The following SRC variants were observed in gnomAD, a reference collection of about 807,000 sequenced individuals.
SRC encodes the protein proto-oncogene tyrosine-protein kinase Src.
A neutral mutation model predicts 62.9 loss-of-function variants in SRC; 13 were observed. The observed-to-expected ratio is 0.21, with a 90% CI of 0.13 to 0.33. The LOEUF is 0.33. SRC is among the 10% of genes least tolerant of loss of function. The probability of loss-of-function intolerance (pLI) is 1.00; values close to 1 mark genes in which losing one functional copy is unlikely to be tolerated. For synonymous variants in SRC, 302 were observed against 317.5 expected, an observed-to-expected ratio of 0.95 and a Z score of 0.52; for missense variants, 457 against 737.3, an observed-to-expected ratio of 0.62 and a Z score of 4.40.
At chr20:37,385,169 G>GAGACACACACAAGACAT (rs11467123) in intron 4 of SRC, among the ~76,000 whole-genome samples, 1 of 152,014 alleles carries the variant, frequency 6.6e-6, no homozygotes, top group African/African-American at 2.4e-5. Context: ...AGCGCATTCA[G>GAGACACACACAAGACAT]AGACACACGC....
At chr20:37,349,741 A>G (rs765489859) in intron 1 of SRC, among the ~76,000 whole-genome samples, 317 of 152,040 alleles carry the variant, frequency 2.1e-3, no homozygotes, top group Middle Eastern at 6.8e-3. Context: ...GGCTCGGGAG[A>G]GGATGTTGGC....
At chr20:37,381,263 C>G (rs547832620) in intron 2 of SRC, among the ~76,000 whole-genome samples, 63 of 152,224 alleles carry the variant, frequency 4.1e-4, no homozygotes, top group Non-Finnish European at 8.4e-4. Flanking sequence ...GTGGAGTGGT[C>G]TTCGTGTTTG....
At chr20:37,401,085 C>G (rs186994152) in intron 10 of SRC, among the ~76,000 whole-genome samples, 1 of 152,144 alleles carries the variant, frequency 6.6e-6, no homozygotes, top group Non-Finnish European at 1.5e-5. Flanking sequence ...CAGCCTTGAC[C>G]TCCCAGGCTC....
chr20:37,402,307 C>A lies in SRC; in HGVS notation c.1117-128C>A. The A allele has an allele frequency of 1.7e-6, 2 of 1,164,154 alleles. No individual in the cohort carries two copies. Among genetic ancestry groups the A allele is most frequent in the Non-Finnish European group, 2.4e-6 (2 of 821,886 alleles). The allele number at this position is 1,164,154 out of a possible 1,614,324, so 72.1% of individuals were successfully genotyped here. A position where few individuals can be genotyped will look rare whatever the true frequency, so the allele number is the denominator to read the frequency against. ...GCCAACAGCATTTACTGTGAACTGA[C>A]CTCACTTGCCTGAAGAAGTGTGGGG... On this transcript the variant is annotated intron_variant, in intron 11 of 13. Transcript: ENST00000373578. This position sits in a 1 kb window ranked among gnomAD's most constrained non-coding sequence, Gnocchi z 6.2.
upstream of SRC, among the ~76,000 whole-genome samples, chr20:37,345,515 C>T (rs959229016): frequency 6.6e-6 from 1 of 152,162 alleles, no homozygotes; most frequent in Admixed American, 6.5e-5. Context: ...TAAAATGAAC[C>T]CGTAACTATT....
intron 2 of SRC, among the ~76,000 whole-genome samples, chr20:37,379,063 G>C (rs1038694039): frequency 2.6e-5 from 4 of 152,106 alleles, no homozygotes; most frequent in Non-Finnish European, 5.9e-5. Flanking sequence ...GCCACTTGGG[G>C]ACCTGCTGAG....
intron 1 of SRC, among the ~76,000 whole-genome samples, chr20:37,358,835 C>T (rs528256754): frequency 1.3e-4 from 20 of 152,384 alleles, no homozygotes; most frequent in South Asian, 6.2e-4. Flanking sequence ...GTGTCCGCCC[C>T]GGCCTGCCGT....
chr20:37,361,043 G>T (rs776055266), intron 1 of SRC, among the ~76,000 whole-genome samples: 1 of 152,084 alleles, frequency 6.6e-6, no homozygotes, highest in Non-Finnish European at 1.5e-5. Context: ...TTGTGGGGGG[G>T]CAGGCAAGGT....
chr20:37,386,311 G>C (rs1050644499), intron 5 of SRC, 137 bp downstream of exon 5: 4 of 854,378 alleles, frequency 4.7e-6, no homozygotes, highest in East Asian at 2.5e-5. Flanking sequence ...CAGTGTGGAG[G>C]CAGGCGCCTG....
chr20:37,392,157 C>T (rs909108961), intron 5 of SRC, among the ~76,000 whole-genome samples: 6 of 152,082 alleles, frequency 3.9e-5, no homozygotes, highest in East Asian at 3.9e-4. Context: ...CCCCCCTGCC[C>T]GAGTGTGTGT....
rs1416323195 is a variant in SRC at position 37,398,064 on chromosome 20, T to G, written c.859+210T>G. On this transcript the variant is annotated intron_variant, in intron 9 of 13. Transcript: ENST00000373578. This position sits in a 1 kb window ranked among gnomAD's most constrained non-coding sequence, Gnocchi z 5.2. Reference sequence around the variant, plus strand: ...GGACCGTGCAAACCATAGTGCCTGATTCCAAGATCCGCACAGGGCTGGGCA... The same window carrying G: ...GGACCGTGCAAACCATAGTGCCTGAGTCCAAGATCCGCACAGGGCTGGGCA... 6.6e-6 allele frequency among the ~76,000 whole-genome samples: 1 copy of G among 152,188 alleles called. No homozygotes were observed. The highest frequency in any genetic ancestry group is 2.4e-5 in the African/African-American group (1 of 41,452).
In SRC at chr20:37,384,405, T is replaced by C. The variant is rs2147051173; in HGVS notation, c.250+2T>C. 1.4e-6 allele frequency: 2 copies of C among 1,407,418 alleles called. No individual in the cohort carries two copies. The highest frequency in any genetic ancestry group is 9.2e-7 in the Non-Finnish European group (1 of 1,087,100). 87.2% of individuals were successfully genotyped at this position (1,407,418 alleles called of 1,614,324 possible). On this transcript the variant is annotated splice_donor_variant, in intron 4 of 13. Transcript: ENST00000373578. LOFTEE classifies it high-confidence loss of function. This position sits in a 1 kb window ranked among gnomAD's most constrained non-coding sequence, Gnocchi z 6.7. The stretch of plus-strand genomic sequence containing the variant: ...CGCAGAGGGCGGGCCCGCTGGCCGG[T>C]CAGTGCGCGGGCGGCGCGGGGTCCT...
At chr20:37,356,554 CCTT>C (rs1436201110) in intron 1 of SRC, among the ~76,000 whole-genome samples, 1 of 151,998 alleles carries the variant, frequency 6.6e-6, no homozygotes, top group Admixed American at 6.6e-5. Flanking sequence ...GCCCCTGGGT[CCTT>C]CTGCCTGTCC....
At chr20:37,375,799 A>G (rs990004664) in intron 2 of SRC, among the ~76,000 whole-genome samples, 2 of 152,226 alleles carry the variant, frequency 1.3e-5, no homozygotes, top group African/African-American at 4.8e-5. Flanking sequence ...AACCATGAAC[A>G]TTTATTTCTC....
chr20:37,368,761 C>T (rs1173842594), intron 2 of SRC, among the ~76,000 whole-genome samples: 5 of 151,614 alleles, frequency 3.3e-5, no homozygotes, highest in Admixed American at 2.0e-4. Flanking sequence ...CCGTTTTAGC[C>T]GGGATGGTCT....
At chr20:37,400,684 C>G (rs1255771628) in intron 10 of SRC, among the ~76,000 whole-genome samples, 1 of 152,054 alleles carries the variant, frequency 6.6e-6, no homozygotes, top group Non-Finnish European at 1.5e-5. Flanking sequence ...AATTTTTAAA[C>G]TAATTAGTTA....
chr20:37,353,192 G>T (rs1213560607), intron 1 of SRC, among the ~76,000 whole-genome samples: 1 of 152,172 alleles, frequency 6.6e-6, no homozygotes, highest in Non-Finnish European at 1.5e-5. Flanking sequence ...AATAAACTTT[G>T]TGTGGCAGAT....
chr20:37,392,151 C>T lies in SRC; in HGVS notation c.351-1744C>T, dbSNP rs372536560. On this transcript the variant is annotated intron_variant, in intron 5 of 13. Coordinates refer to ENST00000373578, the MANE Select transcript of SRC (RefSeq NM_198291.3). ...CCAGTGACCCCATATGGCTTGCCCC[C>T]CTGCCCGAGTGTGTGTGTAGCCATC... Among the ~76,000 whole-genome samples, 30 of 152,272 alleles carry T rather than the reference C, an allele frequency of 2.0e-4. No individual in the cohort carries two copies. In the East Asian group the frequency reaches 5.6e-3, roughly 28 times the overall value.
chr20:37,402,607 GTA>G lies in SRC; in HGVS notation c.1270+21_1270+22del. On this transcript the variant is annotated intron_variant, in intron 12 of 13. Coordinates refer to ENST00000373578, the MANE Select transcript of SRC (RefSeq NM_198291.3). The surrounding 1 kb of genome is among the most constrained non-coding windows in gnomAD (Gnocchi z 6.2). ...CGGCAAGGTGGGCAGGGGCTGTGTG[GTA>G]TGTCGCGCTTGGCCTGGGACAGGTC... The G allele has an allele frequency of 6.2e-7, 1 of 1,601,346 alleles. No homozygotes were observed. The highest frequency in any genetic ancestry group is 8.5e-7 in the Non-Finnish European group (1 of 1,171,976).
Sources: allele counts gnomAD v4.1 joint callset (sites outside exome capture counted in the v4.1 genomes callset), GRCh38; gene constraint gnomAD v4.1.1; non-coding constraint Gnocchi (gnomAD v3.1); transcripts MANE v1.5; gene names NCBI Gene and HGNC (gene_info 2026-07-23, HGNC 2026-07-21).